The following SEMA3A variants were observed in gnomAD, a reference collection of about 807,000 sequenced individuals.
SEMA3A encodes the protein semaphorin-3A.
In SEMA3A, 29 loss-of-function variants were observed where a neutral mutation model predicts 97.9. The ratio of observed to expected loss-of-function variants is 0.30; its 90% CI spans 0.22 to 0.40. The LOEUF is 0.40. SEMA3A is among the 10% of genes least tolerant of loss of function. The pLI, the probability that SEMA3A is intolerant of heterozygous loss-of-function variation, is 1.00. For missense variants in SEMA3A, 763 were observed against 951.3 expected (o/e 0.80, Z 2.60); for synonymous variants, 321 against 323.7 (o/e 0.99, Z 0.09).
intron 1 of SEMA3A, among the ~76,000 whole-genome samples, chr7:84,426,179 C>A (rs970574950): frequency 6.6e-6 from 1 of 151,900 alleles, no homozygotes; most frequent in Middle Eastern, 3.4e-3. Flanking sequence ...CATCACTATA[C>A]AATTCATCCA....
rs1800410383 is a variant in SEMA3A, at chr7:84,280,293, T to G, written c.-83+26914A>C. ...ATGTCCACAGCATGCTTTATATGCC[T>G]TTATTAGCACAAATCACAGTGTCTC... On this transcript the variant is annotated intron_variant, in intron 3 of 3. Coordinates refer to the SEMA3A transcript ENST00000424555. Among the ~76,000 whole-genome samples, 3 of 152,168 alleles carry G rather than the reference T, an allele frequency of 2.0e-5. No homozygotes were observed. In the South Asian group the frequency reaches 6.2e-4, roughly 31 times the overall value.
intron 1 of SEMA3A, among the ~76,000 whole-genome samples, chr7:84,462,122 A>G (rs1805861739): frequency 6.6e-6 from 1 of 152,066 alleles, no homozygotes. Flanking sequence ...CAAGACTACC[A>G]CCTTAACATT....
At chr7:84,055,360 C>T (rs933033973) in intron 5 of SEMA3A, among the ~76,000 whole-genome samples, 13 of 152,190 alleles carry the variant, frequency 8.5e-5, no homozygotes, top group Non-Finnish European at 1.8e-4. Flanking sequence ...AGCGAGACTC[C>T]GTGGGCGTAG....
intron 14 of SEMA3A, among the ~76,000 whole-genome samples, chr7:83,979,254 C>T (rs1789295887): frequency 6.6e-6 from 1 of 151,932 alleles, no homozygotes; most frequent in African/African-American, 2.4e-5. Flanking sequence ...CTGCCTCAGC[C>T]TCCCAAATAG....
Position 84,258,905 on chromosome 7 carries a change from A to AC in SEMA3A, c.-83+48301_-83+48302insG, listed in dbSNP as rs761211677. 1.1e-3 allele frequency among the ~76,000 whole-genome samples: 160 copies of AC among 141,372 alleles called. 1 individual carries two copies. Among genetic ancestry groups the AC allele is most frequent in the Non-Finnish European group, 1.2e-3 (78 of 64,354 alleles). The allele number at this position is 141,372 out of a possible 152,430, so 92.7% of individuals were successfully genotyped here. A position where few individuals can be genotyped will look rare whatever the true frequency, so the allele number is the denominator to read the frequency against. On this transcript the variant is annotated intron_variant, in intron 3 of 3. Coordinates refer to the SEMA3A transcript ENST00000424555. Reference sequence around the variant, plus strand: ...GGGATTATCTAAACCAGAAGGGATGATTTTTTTTTTTTTTTCCTTTTCTGA... The same window carrying AC: ...GGGATTATCTAAACCAGAAGGGATGACTTTTTTTTTTTTTTTCCTTTTCTGA...
intron 6 of SEMA3A, among the ~76,000 whole-genome samples, chr7:84,034,880 A>G (rs2116473164): frequency 6.6e-6 from 1 of 152,210 alleles, no homozygotes; most frequent in Non-Finnish European, 1.5e-5. Flanking sequence ...CTAATCTGAT[A>G]CTTCCAACTT....
chr7:84,185,252 A>G (rs1562838886), intron 1 of SEMA3A, among the ~76,000 whole-genome samples: 1 of 152,168 alleles, frequency 6.6e-6, no homozygotes, highest in Non-Finnish European at 1.5e-5. Flanking sequence ...ACAAAATTCC[A>G]GAAGTGACTT....
chr7:84,164,309 T>A (rs1180279258), intron 1 of SEMA3A, among the ~76,000 whole-genome samples: 2 of 152,176 alleles, frequency 1.3e-5, no homozygotes, highest in South Asian at 2.1e-4. Flanking sequence ...AATAGAAAGA[T>A]GTTTCCAATA....
chr7:84,221,030 A>T (rs1798867510), intron 3 of SEMA3A, among the ~76,000 whole-genome samples: 1 of 152,150 alleles, frequency 6.6e-6, no homozygotes, highest in African/African-American at 2.4e-5. Context: ...TTCATCTACT[A>T]TGAAAATCTG....
chr7:84,295,230 T>C (rs1367159837), intron 3 of SEMA3A, among the ~76,000 whole-genome samples: 2 of 152,056 alleles, frequency 1.3e-5, no homozygotes, highest in African/African-American at 2.4e-5. Flanking sequence ...GACAATGGTC[T>C]CTTGGTTCAA....
intron 3 of SEMA3A, among the ~76,000 whole-genome samples, chr7:84,293,017 A>C (rs1288719147): frequency 6.6e-6 from 1 of 152,090 alleles, no homozygotes; most frequent in Admixed American, 6.6e-5. Flanking sequence ...ATTTAAAAAC[A>C]GTTCTAGCAA....
intron 1 of SEMA3A, among the ~76,000 whole-genome samples, chr7:84,194,025 A>G (rs565215613): frequency 1.3e-5 from 2 of 152,174 alleles, no homozygotes; most frequent in Admixed American, 1.3e-4. Flanking sequence ...GAACAAACTG[A>G]ATATTCATGA....
chr7:84,431,481 C>T (rs2116319564), intron 1 of SEMA3A, among the ~76,000 whole-genome samples: 1 of 152,052 alleles, frequency 6.6e-6, no homozygotes, highest in African/African-American at 2.4e-5. Context: ...TTCCAAAAAG[C>T]ATATGCTCAC....
chr7:84,066,385 A>C lies in SEMA3A; in HGVS notation c.454-5827T>G, dbSNP rs1353921066. On this transcript the variant is annotated intron_variant, in intron 4 of 16. Transcript: ENST00000265362. ...CAATACAGGGATGCCCTCTCTCACC[A>C]CTCCTATTCAACATAGTGTTCGAAG... Among the ~76,000 whole-genome samples the C allele has an allele frequency of 2.0e-5, 3 of 148,550 alleles. No homozygotes were observed. The East Asian group carries it at 6.0e-4, about 30-fold the overall frequency.
intron 5 of SEMA3A, among the ~76,000 whole-genome samples, chr7:84,055,361 G>A (rs1319251819): frequency 9.2e-5 from 14 of 152,140 alleles, no homozygotes; most frequent in African/African-American, 1.9e-4. Context: ...GCGAGACTCC[G>A]TGGGCGTAGG....
rs1163989817 is a variant in SEMA3A at position 84,483,396 on chromosome 7, C to T, written c.-246+9064G>A. ...ATAGTAACCCTAATGTTGGGTATCC[C>T]TGAATATGGTGATGATTTTCACTGG... On this transcript the variant is annotated intron_variant, in intron 1 of 3. Transcript: ENST00000424555. Among the ~76,000 whole-genome samples the T allele has an allele frequency of 5.3e-5, 8 of 152,170 alleles. No homozygotes were observed. In the South Asian group the frequency reaches 1.5e-3, roughly 28 times the overall value.
intron 4 of SEMA3A, among the ~76,000 whole-genome samples, chr7:84,063,943 G>C (rs1793365868): frequency 1.3e-5 from 2 of 150,946 alleles, no homozygotes; most frequent in African/African-American, 4.9e-5. Flanking sequence ...TCCTCGAGAA[G>C]AGCAACTCCA....
Position 83,966,805 on chromosome 7 carries a change from G to A in SEMA3A, c.1718-3458C>T, listed in dbSNP as rs192039371. On this transcript the variant is annotated intron_variant, in intron 15 of 16. Coordinates refer to ENST00000265362, the MANE Select transcript of SEMA3A (RefSeq NM_006080.3). ...CGGCTCACGGCAACCTCCGCCTCCC[G>A]GGTTCAAGCGATTCTCCTGCCTCAG... 5.1e-3 allele frequency among the ~76,000 whole-genome samples: 781 copies of A among 151,776 alleles called. 7 individuals are homozygous for A. Among genetic ancestry groups the A allele is most frequent in the African/African-American group, 0.018 (763 of 41,388 alleles).
In SEMA3A at chr7:83,977,044, T is replaced by C. The variant is rs77607902; in HGVS notation, c.1717+88A>G. On this transcript the variant is annotated intron_variant, in intron 15 of 16. Transcript: ENST00000265362. ...GCATTTCTTTAAGTATTCTGAGAGA[T>C]GCATACATTGCATGCATATGCATGA... The C allele has an allele frequency of 2.3e-5, 13 of 570,170 alleles. No homozygotes were observed. The South Asian group carries it at 4.8e-4, about 21-fold the overall frequency. The allele number at this position is 570,170 out of a possible 1,614,324, so 35.3% of individuals were successfully genotyped here.
Sources: allele counts gnomAD v4.1 joint callset (sites outside exome capture counted in the v4.1 genomes callset), GRCh38; gene constraint gnomAD v4.1.1; transcripts MANE v1.5; gene names NCBI Gene and HGNC (gene_info 2026-07-23, HGNC 2026-07-21).